GTF2F2: variants seen among roughly 807,000 people sequenced by gnomAD.
GTF2F2 encodes the protein general transcription factor IIF subunit 2.
GTF2F2 carries 23 observed loss-of-function variants against 42.2 expected under a neutral mutation model. That is an observed-to-expected ratio of 0.55 (90% CI 0.39 to 0.77). The LOEUF (loss-of-function observed/expected upper bound fraction) is 0.77, where lower values mean the gene tolerates loss of function less well. Ranked by LOEUF, GTF2F2 falls within the 30% of genes least tolerant of loss-of-function variation. GTF2F2 has a pLI of 0.00. For missense variants in GTF2F2, 261 were observed against 287.2 expected (o/e 0.91, Z 0.66); for synonymous variants, 105 against 100.8 (o/e 1.04, Z -0.25).
intron 2 of GTF2F2, among the ~76,000 whole-genome samples, chr13:45,147,552 CTCTGAT>C (rs1181343223): frequency 6.6e-6 from 1 of 152,174 alleles, no homozygotes; most frequent in Non-Finnish European, 1.5e-5. Context: ...TTTGCCATAT[CTCTGAT>C]TCTTGTAAGA....
intron 4 of GTF2F2, among the ~76,000 whole-genome samples, chr13:45,176,888 C>T (rs552325708): frequency 1.2e-4 from 18 of 152,048 alleles, no homozygotes; most frequent in African/African-American, 2.7e-4. Flanking sequence ...CAGGTTCAAG[C>T]GATTCTACTG....
At chr13:45,247,252 T>A (rs1478791441) in intron 5 of GTF2F2, among the ~76,000 whole-genome samples, 1 of 148,112 alleles carries the variant, frequency 6.8e-6, no homozygotes, top group East Asian at 2.1e-4. Context: ...ATCCCAAGAA[T>A]CGCTTTAACC....
At chr13:45,234,386 TCAA>T (rs1874843710) in intron 5 of GTF2F2, among the ~76,000 whole-genome samples, 1 of 152,216 alleles carries the variant, frequency 6.6e-6, no homozygotes, top group Non-Finnish European at 1.5e-5. Context: ...TTGTAAATCA[TCAA>T]CTATTTTCAC....
rs1188860027 is a variant in GTF2F2 at position 45,245,843 on chromosome 13, A to G, written c.387-7028A>G. Among the ~76,000 whole-genome samples, 2 of 141,752 alleles carry G rather than the reference A, an allele frequency of 1.4e-5. 1 individual carries two copies. Among genetic ancestry groups the G allele is most frequent in the Non-Finnish European group, 3.1e-5 (2 of 65,378 alleles). 93.0% of individuals were successfully genotyped at this position (141,752 alleles called of 152,430 possible). Reference sequence around the variant, plus strand: ...GCAGTCCCAGCTACTCGGGAGGCTGAGGCAGGAGAATGGCGTGAACCTGGA... The same window carrying G: ...GCAGTCCCAGCTACTCGGGAGGCTGGGGCAGGAGAATGGCGTGAACCTGGA... On this transcript the variant is annotated intron_variant, in intron 5 of 7. Transcript: ENST00000340473.
chr13:45,194,464 A>G lies in GTF2F2; in HGVS notation c.305-12960A>G. 5 of 1,614,162 alleles carry G rather than the reference A, an allele frequency of 3.1e-6. No individual in the cohort carries two copies. The Middle Eastern group carries it at 6.6e-4, about 213-fold the overall frequency. Reference sequence around the variant, plus strand: ...TAAATATCCACCAACGTTGAGGGTCATCAGTGTGGATTTGCAGTTCTTTCC... The same window carrying G: ...TAAATATCCACCAACGTTGAGGGTCGTCAGTGTGGATTTGCAGTTCTTTCC... On this transcript the variant is annotated intron_variant, in intron 4 of 7. Coordinates refer to ENST00000340473, the MANE Select transcript of GTF2F2 (RefSeq NM_004128.3).
intron 4 of GTF2F2, among the ~76,000 whole-genome samples, chr13:45,183,426 T>C (rs187615702): frequency 6.6e-6 from 1 of 152,264 alleles, no homozygotes; most frequent in African/African-American, 2.4e-5. Flanking sequence ...CTGCTGGAGT[T>C]ACTACTGTCA....
intron 7 of GTF2F2, among the ~76,000 whole-genome samples, chr13:45,281,481 A>G (rs559985827): frequency 1.3e-5 from 2 of 152,378 alleles, no homozygotes; most frequent in East Asian, 3.9e-4. Flanking sequence ...GAACGAAGCA[A>G]CACACTAAGG....
At chr13:45,278,804 CTTTTTCTTTTTCTTTTT>C (rs1265742015) in intron 7 of GTF2F2, among the ~76,000 whole-genome samples, 3 of 121,656 alleles carry the variant, frequency 2.5e-5, no homozygotes, top group African/African-American at 1.0e-4. Flanking sequence ...GCCAATTTGC[CTTTTTCTTTTTCTTTTT>C]TTTTTTTTTT....
At chr13:45,190,796 G>A (rs534470586) in intron 4 of GTF2F2, among the ~76,000 whole-genome samples, 1 of 151,392 alleles carries the variant, frequency 6.6e-6, no homozygotes, top group South Asian at 2.1e-4. Flanking sequence ...CTGTCACCTA[G>A]GCTGGAGTGC....
At position 45,131,448 on chromosome 13, in the gene GTF2F2, G is replaced by A. The variant is rs1015652825; in HGVS notation, c.67-5285G>A. Among the ~76,000 whole-genome samples, 3 of 152,162 alleles carry A rather than the reference G, an allele frequency of 2.0e-5. No homozygotes were observed. The South Asian group carries it at 6.2e-4, about 31-fold the overall frequency. On this transcript the variant is annotated intron_variant, in intron 1 of 7. Coordinates refer to ENST00000340473, the MANE Select transcript of GTF2F2 (RefSeq NM_004128.3). ...ATTGTTGTTAAGTATGAAAGATGGGGACTAAACATTGGCTTGGTAATTTGG... is the reference window on the plus strand; with the variant it reads ...ATTGTTGTTAAGTATGAAAGATGGGAACTAAACATTGGCTTGGTAATTTGG...
chr13:45,180,888 G>A (rs1872119987), intron 4 of GTF2F2, among the ~76,000 whole-genome samples: 1 of 152,086 alleles, frequency 6.6e-6, no homozygotes, highest in Non-Finnish European at 1.5e-5. Context: ...TGATCTGGGC[G>A]TGGTGGGTCA....
At chr13:45,279,862 G>C (rs1048936178) in intron 7 of GTF2F2, among the ~76,000 whole-genome samples, 1 of 152,106 alleles carries the variant, frequency 6.6e-6, no homozygotes, top group African/African-American at 2.4e-5. Flanking sequence ...CCAAGATCAT[G>C]CCATTGCACT....
chr13:45,130,028 G>T (rs549575557), intron 1 of GTF2F2, among the ~76,000 whole-genome samples: 1 of 152,356 alleles, frequency 6.6e-6, no homozygotes, highest in East Asian at 1.9e-4. Context: ...TCACAGGTCT[G>T]TGTGGTTTGA....
rs371204794 is a variant in GTF2F2 at position 45,149,759 on chromosome 13, C to G, written c.141-11C>G. ...TAAATTATTTTAAATATTTCTTTTCCTCTCCTTTAGGACTCAAGGAAGGAC... is the reference window on the plus strand; with the variant it reads ...TAAATTATTTTAAATATTTCTTTTCGTCTCCTTTAGGACTCAAGGAAGGAC... On this transcript the variant is annotated splice_polypyrimidine_tract_variant and intron_variant, in intron 2 of 7. Coordinates refer to ENST00000340473, the MANE Select transcript of GTF2F2 (RefSeq NM_004128.3). 2 of 1,501,328 alleles carry G rather than the reference C, an allele frequency of 1.3e-6. No individual in the cohort carries two copies. Among genetic ancestry groups the G allele is most frequent in the Admixed American group, 4.5e-5 (2 of 44,096 alleles). 93.0% of individuals were successfully genotyped at this position (1,501,328 alleles called of 1,614,324 possible).
At chr13:45,280,918 C>T (rs1187167663) in intron 7 of GTF2F2, among the ~76,000 whole-genome samples, 5 of 152,180 alleles carry the variant, frequency 3.3e-5, no homozygotes, top group East Asian at 1.9e-4. Flanking sequence ...TGTGCAACAT[C>T]GTCTTAGCCA....
chr13:45,212,477 T>C lies in GTF2F2; in HGVS notation c.386+4972T>C, dbSNP rs1426019634. Among the ~76,000 whole-genome samples, 64 of 138,668 alleles carry C rather than the reference T, an allele frequency of 4.6e-4. 2 individuals are homozygous for C. Among genetic ancestry groups the C allele is most frequent in the African/African-American group, 1.7e-3 (64 of 37,086 alleles). 91.0% of individuals were successfully genotyped at this position (138,668 alleles called of 152,430 possible). On this transcript the variant is annotated intron_variant, in intron 5 of 7. Coordinates refer to ENST00000340473, the MANE Select transcript of GTF2F2 (RefSeq NM_004128.3). Reference sequence around the variant, plus strand: ...TTTCTTTCTTTCTTTCTTTCTTTCTTTCTTTCTTTCTTTCTTTCTTTCTTT... The same window carrying C: ...TTTCTTTCTTTCTTTCTTTCTTTCTCTCTTTCTTTCTTTCTTTCTTTCTTT...
At chr13:45,165,782 C>A in intron 4 of GTF2F2, among the ~76,000 whole-genome samples, 1 of 150,074 alleles carries the variant, frequency 6.7e-6, no homozygotes, top group Non-Finnish European at 1.5e-5. Context: ...CATATCATTC[C>A]ATCCTTAAAT....
At position 45,267,246 on chromosome 13, in the gene GTF2F2, G is replaced by A; in HGVS notation, c.500G>A (p.Arg167Lys). ...ANHQYNIEYERKKKEDGKRAR... is the reference protein window; with the variant it reads ...ANHQYNIEYEKKKKEDGKRAR... ...GTTTGCATATAGATCGAATATGAAA[G>A]GAAAAAGAAAGAAGACGGAAAGCGA... The change falls in exon 7 of 8, where the codon AGG becomes AAG. Residue 167 changes from arginine (R) to lysine (K), a missense_variant. Transcript: ENST00000340473. 2 of 1,612,306 alleles carry A rather than the reference G, an allele frequency of 1.2e-6. No homozygotes were observed. The highest frequency in any genetic ancestry group is 1.7e-6 in the Non-Finnish European group (2 of 1,179,016).
intron 4 of GTF2F2, among the ~76,000 whole-genome samples, chr13:45,158,533 C>T (rs1870877714): frequency 6.6e-6 from 1 of 152,206 alleles, no homozygotes; most frequent in Admixed American, 6.5e-5. Context: ...CTGTGAAAAT[C>T]TCTTACCTTT....
Sources: gnomAD v4.1 joint callset for allele counts (sites outside exome capture counted in the v4.1 genomes callset) on GRCh38, gnomAD v4.1.1 for gene constraint, MANE v1.5 for transcripts, NCBI Gene and HGNC (gene_info 2026-07-23, HGNC 2026-07-21) for gene names.